Variants in TOMM34 observed in about 807,000 individuals in gnomAD.
TOMM34 encodes the protein mitochondrial import receptor subunit TOM34.
In TOMM34, 24 loss-of-function variants were observed where a neutral mutation model predicts 37.4. That is an observed-to-expected ratio of 0.64 (90% CI 0.46 to 0.90). The LOEUF is 0.90. Ranked by LOEUF, TOMM34 falls within the 40% of genes least tolerant of loss-of-function variation. TOMM34 has a pLI of 0.00. For missense variants in TOMM34, 304 were observed against 375.6 expected, an observed-to-expected ratio of 0.81 and a Z score of 1.58; for synonymous variants, 154 against 148.9, an observed-to-expected ratio of 1.03 and a Z score of -0.25.
intron 1 of TOMM34, chr20:44,958,189 G>A (rs2067093612): frequency 8.3e-6 from 3 of 360,858 alleles, no homozygotes; most frequent in Non-Finnish European, 1.7e-5. Context: ...ACCATTTTAT[G>A]TCTATTAAAG....
chr20:44,954,960 AGT>A, intron 3 of TOMM34, 106 bp downstream of exon 3: 1 of 1,400,714 alleles, frequency 7.1e-7, no homozygotes, highest in Non-Finnish European at 9.6e-7. Context: ...GAGTTTTTTA[AGT>A]GTAGCCAAAG....
At chr20:44,955,340 GAGACATGGCT>G (rs2067062541) in intron 2 of TOMM34, 120 bp from the exon 3 acceptor site, 1 of 1,318,478 alleles carries the variant, frequency 7.6e-7, no homozygotes, top group Non-Finnish European at 1.0e-6. Flanking sequence ...TTCTGGCCGA[GAGACATGGCT>G]AAAAACGCCA....
At chr20:44,958,436 G>A in intron 1 of TOMM34, 1 of 470,000 alleles carries the variant, frequency 2.1e-6, no homozygotes, top group South Asian at 1.6e-5. Context: ...CCAGAGTACG[G>A]TTGCTCAGAA....
chr20:44,953,082 C>T (rs1411415109), intron 3 of TOMM34, among the ~76,000 whole-genome samples: 1 of 152,170 alleles, frequency 6.6e-6, no homozygotes, highest in African/African-American at 2.4e-5. Flanking sequence ...TTGCCTCTTT[C>T]AGGGACCACA....
intron 4 of TOMM34, 106 bp downstream of exon 4, chr20:44,951,727 G>T: frequency 7.3e-7 from 1 of 1,363,658 alleles, no homozygotes; most frequent in Non-Finnish European, 1.0e-6. Context: ...TTGTTCCTAA[G>T]ATTATTTTTA....
chr20:44,957,488 TTTTTAAA>T (rs1318733604), intron 1 of TOMM34, among the ~76,000 whole-genome samples: 1 of 152,154 alleles, frequency 6.6e-6, no homozygotes, highest in Admixed American at 6.5e-5. Context: ...ATGATCTTTA[TTTTTAAA>T]GATAATTTTC....
intron 3 of TOMM34, 66 bp downstream of exon 3, chr20:44,955,002 G>T: frequency 6.4e-7 from 1 of 1,572,164 alleles, no homozygotes; most frequent in South Asian, 1.2e-5. Flanking sequence ...ACAAGGCAAT[G>T]GCCCGCAGCC....
intron 4 of TOMM34, among the ~76,000 whole-genome samples, chr20:44,949,468 A>G (rs2067008383): frequency 6.6e-6 from 1 of 152,206 alleles, no homozygotes; most frequent in Non-Finnish European, 1.5e-5. Context: ...TCCCTCATCT[A>G]ACACATGCAG....
At chr20:44,959,471 C>A (rs942199977) in intron 1 of TOMM34, among the ~76,000 whole-genome samples, 1 of 152,108 alleles carries the variant, frequency 6.6e-6, no homozygotes, top group Non-Finnish European at 1.5e-5. Context: ...TCCAGTTTGG[C>A]ATGAAATCCG....
At chr20:44,944,622 G>A (rs1481951367) in intron 5 of TOMM34, among the ~76,000 whole-genome samples, 1 of 152,148 alleles carries the variant, frequency 6.6e-6, no homozygotes, top group Non-Finnish European at 1.5e-5. Flanking sequence ...AGGCCAAGGT[G>A]GGAAGGTCAC....
intron 1 of TOMM34, 62 bp from the exon 2 acceptor site, chr20:44,956,547 T>C (rs916198666): frequency 2.3e-5 from 35 of 1,526,268 alleles, no homozygotes; most frequent in Non-Finnish European, 2.9e-5. Flanking sequence ...GGCATTAGGA[T>C]ACATTTCAAA....
At chr20:44,947,867 T>C (rs2066993952) in intron 5 of TOMM34, among the ~76,000 whole-genome samples, 1 of 152,242 alleles carries the variant, frequency 6.6e-6, no homozygotes. Flanking sequence ...CCAAGATTTT[T>C]GAACTAGAGA....
chr20:44,943,352 G>A, intron 6 of TOMM34, 101 bp downstream of exon 6: 1 of 1,597,242 alleles, frequency 6.3e-7, no homozygotes, highest in South Asian at 1.1e-5. Context: ...AGAAGGAAAA[G>A]CTGCAGATAT....
rs191405266 is a variant in TOMM34 at position 44,957,416 on chromosome 20, C to T, written c.128-931G>A. Among the ~76,000 whole-genome samples, 608 of 152,220 alleles carry T rather than the reference C, an allele frequency of 4.0e-3. 2 individuals carry two copies. The highest frequency in any genetic ancestry group is 6.8e-3 in the South Asian group (33 of 4,826). On this transcript the variant is annotated intron_variant, in intron 1 of 6. Coordinates refer to ENST00000372813, the MANE Select transcript of TOMM34 (RefSeq NM_006809.5). ...CTTGAACTCCTGACCTCAGGCAATC[C>T]GCCTGCCTCGGCCTCCCAAAGTACT...
intron 4 of TOMM34, 75 bp from the exon 5 acceptor site, chr20:44,948,952 C>A: frequency 6.5e-7 from 1 of 1,539,908 alleles, no homozygotes; most frequent in South Asian, 1.2e-5. Context: ...TCTTCAGCAT[C>A]GTCCCTTCCA....
intron 3 of TOMM34, 120 bp downstream of exon 3, chr20:44,954,948 G>T: frequency 7.8e-7 from 1 of 1,274,976 alleles, no homozygotes; most frequent in Non-Finnish European, 1.1e-6. Flanking sequence ...CATGCCCATC[G>T]GGAGTTTTTT....
chr20:44,943,284 A>C (rs1250155624), intron 6 of TOMM34, 71 bp from the exon 7 acceptor site: 3 of 1,601,812 alleles, frequency 1.9e-6, no homozygotes, highest in Non-Finnish European at 1.7e-6. Context: ...CTGAGGCAGC[A>C]AAGTGTTTTC....
intron 4 of TOMM34, among the ~76,000 whole-genome samples, chr20:44,951,065 C>T (rs767878868): frequency 7.2e-5 from 11 of 152,144 alleles, no homozygotes; most frequent in Non-Finnish European, 1.2e-4. Flanking sequence ...GGGGCAGGTG[C>T]CTCAGGGTGA....
intron 3 of TOMM34, 91 bp downstream of exon 3, chr20:44,954,977 C>T: frequency 1.1e-5 from 16 of 1,461,194 alleles, no homozygotes; most frequent in South Asian, 1.4e-5. Flanking sequence ...CCAAAGGGAT[C>T]CCCTCAGAAG....
Sources: gnomAD v4.1 joint callset for allele counts (sites outside exome capture counted in the v4.1 genomes callset) on GRCh38, gnomAD v4.1.1 for gene constraint, MANE v1.5 for transcripts, NCBI Gene and HGNC (gene_info 2026-07-23, HGNC 2026-07-21) for gene names.